The following LDB2 variants were observed in gnomAD, a reference collection of about 807,000 sequenced individuals.
LDB2 encodes LIM domain binding 2, also known as LIM domain-binding protein 2.
A neutral mutation model predicts 44.3 loss-of-function variants in LDB2; 12 were observed. The ratio of observed to expected loss-of-function variants is 0.27; its 90% CI spans 0.17 to 0.44. The LOEUF (loss-of-function observed/expected upper bound fraction) is 0.44. LDB2 is among the 20% of genes least tolerant of loss of function. The probability of loss-of-function intolerance (pLI) is 1.00; values close to 1 mark genes in which losing one functional copy is unlikely to be tolerated. For missense variants in LDB2, 344 were observed against 473.5 expected, an observed-to-expected ratio of 0.73 and a Z score of 2.54; for synonymous variants, 164 against 174.8, an observed-to-expected ratio of 0.94 and a Z score of 0.49.
At chr4:16,870,107 G>C (rs1011042032) in intron 1 of LDB2, among the ~76,000 whole-genome samples, 1 of 152,164 alleles carries the variant, frequency 6.6e-6, no homozygotes, top group African/African-American at 2.4e-5. Context: ...GGCAGCTGCA[G>C]AGGCGATCCA....
At chr4:16,518,949 C>T (rs2152268064) in intron 5 of LDB2, among the ~76,000 whole-genome samples, 1 of 152,320 alleles carries the variant, frequency 6.6e-6, no homozygotes, top group South Asian at 2.1e-4. Context: ...TAAGGTCCTC[C>T]AAGGTCCAGC....
chr4:16,585,882 T>G (rs1347064107), intron 5 of LDB2, 40 bp downstream of exon 5: 1 of 1,535,916 alleles, frequency 6.5e-7, no homozygotes, highest in Non-Finnish European at 9.0e-7. Flanking sequence ...GGAGTACTTT[T>G]CAAACTCACC....
intron 1 of LDB2, among the ~76,000 whole-genome samples, chr4:16,874,378 T>A (rs920150644): frequency 1.3e-5 from 2 of 152,204 alleles, no homozygotes; most frequent in Non-Finnish European, 2.9e-5. Flanking sequence ...TTTTCCAATA[T>A]CAATCTGATG....
At chr4:16,860,848 C>G (rs1379681946) in intron 1 of LDB2, among the ~76,000 whole-genome samples, 1 of 152,140 alleles carries the variant, frequency 6.6e-6, no homozygotes, top group South Asian at 2.1e-4. Context: ...CACTGTAATT[C>G]TTTACCACAT....
intron 7 of LDB2, among the ~76,000 whole-genome samples, chr4:16,507,861 G>A (rs1247856882): frequency 6.6e-6 from 1 of 152,214 alleles, no homozygotes; most frequent in East Asian, 1.9e-4. Context: ...TTCCTGTGCA[G>A]TTTTCACTAT....
chr4:16,869,065 A>G (rs1267516808), intron 1 of LDB2, among the ~76,000 whole-genome samples: 1 of 152,134 alleles, frequency 6.6e-6, no homozygotes, highest in African/African-American at 2.4e-5. Flanking sequence ...ACACCATGCT[A>G]AGTGCCTCAG....
chr4:16,812,490 C>T (rs925494633), intron 1 of LDB2, among the ~76,000 whole-genome samples: 4 of 151,384 alleles, frequency 2.6e-5, no homozygotes, highest in Admixed American at 2.0e-4. Context: ...TCTTCTCTGA[C>T]GCAGGGTTTA....
intron 2 of LDB2, among the ~76,000 whole-genome samples, chr4:16,752,781 A>C (rs1765730224): frequency 6.6e-6 from 1 of 152,196 alleles, no homozygotes; most frequent in Non-Finnish European, 1.5e-5. Flanking sequence ...GTCTAATGTC[A>C]TCTCACATGC....
At chr4:16,615,444 T>C (rs1727001322) in intron 2 of LDB2, among the ~76,000 whole-genome samples, 1 of 152,196 alleles carries the variant, frequency 6.6e-6, no homozygotes. Flanking sequence ...AATGAGATCA[T>C]GTCCTTTGCA....
intron 2 of LDB2, among the ~76,000 whole-genome samples, chr4:16,719,984 C>G (rs56952987): frequency 5.3e-4 from 81 of 152,096 alleles, no homozygotes; most frequent in African/African-American, 1.8e-3. Context: ...AAAATCAAAG[C>G]TAATTTAAAT....
intron 1 of LDB2, among the ~76,000 whole-genome samples, chr4:16,803,106 T>C (rs919501846): frequency 2.0e-5 from 3 of 152,204 alleles, no homozygotes; most frequent in African/African-American, 7.2e-5. Flanking sequence ...ACCCTCCCTG[T>C]TGGACTACAT....
At chr4:16,810,386 A>G (rs915850263) in intron 1 of LDB2, among the ~76,000 whole-genome samples, 2 of 152,194 alleles carry the variant, frequency 1.3e-5, no homozygotes, top group African/African-American at 4.8e-5. Context: ...GTTGAACTTT[A>G]TTAATTTATC....
intron 2 of LDB2, among the ~76,000 whole-genome samples, chr4:16,663,535 G>A (rs1742177651): frequency 6.6e-6 from 1 of 152,160 alleles, no homozygotes; most frequent in African/African-American, 2.4e-5. Context: ...ACATCACCTT[G>A]ATGACATGTG....
At chr4:16,618,210 C>T (rs1727881993) in intron 2 of LDB2, among the ~76,000 whole-genome samples, 1 of 152,148 alleles carries the variant, frequency 6.6e-6, no homozygotes, top group Admixed American at 6.5e-5. Context: ...GCCTCACCCC[C>T]AGCAGCTTCC....
At chr4:16,503,263 CT>C in intron 7 of LDB2, 2 of 886,972 alleles carry the variant, frequency 2.3e-6, no homozygotes, top group Non-Finnish European at 3.4e-6. Flanking sequence ...AAATCTGCCA[CT>C]TTTATTTAGG....
rs186727999 is a variant in LDB2 at position 16,503,115 on chromosome 4, C to T, written c.892-242G>A. 4.6e-6 allele frequency: 7 copies of T among 1,536,476 alleles called. No individual in the cohort carries two copies. The Admixed American group carries it at 5.9e-5, about 13-fold the overall frequency. ...TAGTGCGCAGCCTGACACTGGAGAA[C>T]GAGCAATGCTAGCAATCTGCAGAAA... On this transcript the variant is annotated intron_variant, in intron 7 of 7. Coordinates refer to ENST00000304523, the MANE Select transcript of LDB2 (RefSeq NM_001290.5).
chr4:16,727,331 G>A lies in LDB2; in HGVS notation c.235+31827C>T, dbSNP rs575909061. On this transcript the variant is annotated intron_variant, in intron 2 of 7. Coordinates refer to ENST00000304523, the MANE Select transcript of LDB2 (RefSeq NM_001290.5). ...ACCTCAGCAATTTCCAAACGAAAAGGCTGGTGTCCCAGGGATGATAAAAAG... is the reference window on the plus strand; with the variant it reads ...ACCTCAGCAATTTCCAAACGAAAAGACTGGTGTCCCAGGGATGATAAAAAG... Among the ~76,000 whole-genome samples, 4 of 152,340 alleles carry A rather than the reference G, an allele frequency of 2.6e-5. No individual in the cohort carries two copies. The South Asian group carries it at 8.3e-4, about 32-fold the overall frequency.
At chr4:16,550,062 G>A (rs986122949) in intron 5 of LDB2, among the ~76,000 whole-genome samples, 5 of 152,122 alleles carry the variant, frequency 3.3e-5, no homozygotes, top group Non-Finnish European at 5.9e-5. Flanking sequence ...GTGATGTCCT[G>A]GGGTGTATAC....
At chr4:16,745,379 G>A (rs1163746863) in intron 2 of LDB2, among the ~76,000 whole-genome samples, 2 of 152,218 alleles carry the variant, frequency 1.3e-5, no homozygotes, top group Non-Finnish European at 2.9e-5. Flanking sequence ...CAGTGAAAAG[G>A]AAGTCAAGCG....
Sources: allele counts gnomAD v4.1 joint callset (sites outside exome capture counted in the v4.1 genomes callset), GRCh38; gene constraint gnomAD v4.1.1; transcripts MANE v1.5; gene names NCBI Gene and HGNC (gene_info 2026-07-23, HGNC 2026-07-21).